Variants in PI4KA observed in about 807,000 individuals in gnomAD.
The protein encoded by PI4KA is PI4-kinase alpha.
In PI4KA, 122 loss-of-function variants were observed where a neutral mutation model predicts 271.4. That is an observed-to-expected ratio of 0.45 (90% CI 0.39 to 0.52). PI4KA has a LOEUF of 0.52. Among genes scored for constraint, PI4KA ranks in the 20% least tolerant of loss-of-function variants. The pLI, the probability that PI4KA is intolerant of heterozygous loss-of-function variation, is 0.00. For missense variants in PI4KA, 1,969 were observed against 2,769.1 expected, an observed-to-expected ratio of 0.71 and a Z score of 6.48; for synonymous variants, 1,041 against 1,078.8, an observed-to-expected ratio of 0.96 and a Z score of 0.69.
intron 12 of PI4KA, among the ~76,000 whole-genome samples, chr22:20,804,079 C>G (rs1035612981): frequency 3.9e-5 from 6 of 152,254 alleles, no homozygotes; most frequent in Non-Finnish European, 7.3e-5. Flanking sequence ...CTGAAGCCAG[C>G]TGCACCCATA....
intron 36 of PI4KA, 75 bp downstream of exon 36, chr22:20,732,896 C>T: frequency 1.9e-6 from 3 of 1,580,238 alleles, no homozygotes; most frequent in Non-Finnish European, 2.6e-6. Flanking sequence ...CTACCTCTGG[C>T]ACCCTCGGGG....
intron 10 of PI4KA, 54 bp downstream of exon 10, chr22:20,807,308 G>T: frequency 1.8e-6 from 2 of 1,115,436 alleles, no homozygotes; most frequent in South Asian, 1.3e-5. Flanking sequence ...ATGCGACAGT[G>T]GCCTGGGAGC....
At chr22:20,727,902 C>T in intron 39 of PI4KA, 38 bp from the exon 40 acceptor site, 1 of 1,519,728 alleles carries the variant, frequency 6.6e-7, no homozygotes, top group Non-Finnish European at 9.1e-7. Context: ...GCTGCCTCGC[C>T]AGGGAACCTG....
intron 23 of PI4KA, among the ~76,000 whole-genome samples, chr22:20,753,585 T>C (rs981900159): frequency 6.6e-6 from 1 of 152,232 alleles, no homozygotes; most frequent in African/African-American, 2.4e-5. Context: ...AGTTATTTTG[T>C]TGAATGTCCC....
rs543981275 is a variant in PI4KA at position 20,802,047 on chromosome 22, G to A, written c.1650C>T (p.Asn550=). ...GCTGGCTCTTCTTACCCGACATGACGTTCAGGGTTGACTCGGAATGCTCAT... is the reference window on the plus strand; with the variant it reads ...GCTGGCTCTTCTTACCCGACATGACATTCAGGGTTGACTCGGAATGCTCAT... ...VTNEHSESTL[N]VMSGKKSQPS... Residue 550 remains asparagine, a synonymous_variant, in exon 14 of 55, where the codon AAC becomes AAT. Coordinates refer to ENST00000255882, the MANE Select transcript of PI4KA (RefSeq NM_058004.4). The A allele has an allele frequency of 2.0e-5, 32 of 1,613,720 alleles. No individual in the cohort carries two copies. The highest frequency in any genetic ancestry group is 1.2e-4 in the Admixed American group (7 of 60,014).
At position 20,801,859 on chromosome 22, in the gene PI4KA, C is replaced by T; in HGVS notation, c.1724+114G>A. On this transcript the variant is annotated intron_variant, in intron 14 of 54. Coordinates refer to ENST00000255882, the MANE Select transcript of PI4KA (RefSeq NM_058004.4). ...CGAGATTGTGCCACTGCATTCCAGC[C>T]TGGGCAACAGAGCGAGACTCAATCT... 5 of 1,179,506 alleles carry T rather than the reference C, an allele frequency of 4.2e-6. No homozygotes were observed. The South Asian group carries it at 7.3e-5, about 17-fold the overall frequency. The allele number at this position is 1,179,506 out of a possible 1,614,324, so 73.1% of individuals were successfully genotyped here.
intron 19 of PI4KA, among the ~76,000 whole-genome samples, chr22:20,771,258 C>A (rs975053986): frequency 1.5e-4 from 23 of 152,092 alleles, no homozygotes; most frequent in African/African-American, 5.5e-4. Context: ...CCCGTCTCTA[C>A]TAAAAATACA....
chr22:20,827,179 G>A (rs1923532603), intron 3 of PI4KA, among the ~76,000 whole-genome samples: 1 of 152,132 alleles, frequency 6.6e-6, no homozygotes, highest in South Asian at 2.1e-4. Context: ...GGTGTTTATA[G>A]TTTAAGGTTT....
intron 3 of PI4KA, among the ~76,000 whole-genome samples, chr22:20,828,975 T>C (rs1370273859): frequency 6.6e-6 from 1 of 152,238 alleles, no homozygotes; most frequent in Non-Finnish European, 1.5e-5. Flanking sequence ...ATTAATTGAT[T>C]TGCATACATT....
intron 35 of PI4KA, among the ~76,000 whole-genome samples, chr22:20,733,308 A>G (rs1280424401): frequency 6.7e-6 from 1 of 149,466 alleles, no homozygotes. Flanking sequence ...CTCACTGCCC[A>G]CAGCAGCCCC....
intron 4 of PI4KA, 86 bp downstream of exon 4, chr22:20,824,240 T>C: frequency 1.2e-6 from 1 of 853,644 alleles, no homozygotes. Flanking sequence ...TTCAATCACA[T>C]TTCACGTTTT....
chr22:20,717,597 C>T, intron 45 of PI4KA, 111 bp downstream of exon 45: 1 of 963,208 alleles, frequency 1.0e-6, no homozygotes, highest in Non-Finnish European at 1.6e-6. Flanking sequence ...TGGGGCTGGC[C>T]AAGCCACTGT....
At chr22:20,729,854 T>C in intron 37 of PI4KA, 38 bp downstream of exon 37, 1 of 1,613,208 alleles carries the variant, frequency 6.2e-7, no homozygotes, top group East Asian at 2.2e-5. Context: ...GAATGATAGC[T>C]TGCATGTGAT....
At chr22:20,800,251 G>A (rs1202503929) in intron 14 of PI4KA, among the ~76,000 whole-genome samples, 6 of 152,220 alleles carry the variant, frequency 3.9e-5, no homozygotes, top group African/African-American at 9.7e-5. Flanking sequence ...CTGGGCCAGA[G>A]TTTGGAAAAC....
chr22:20,834,690 TAATAA>T (rs770255471), intron 2 of PI4KA, 35 bp from the exon 3 acceptor site: 24 of 1,369,366 alleles, frequency 1.8e-5, no homozygotes, highest in Non-Finnish European at 2.3e-5. Context: ...AAATTAGATT[TAATAA>T]AATAAGTGAT....
intron 19 of PI4KA, chr22:20,786,962 CAA>C (rs1240814536): frequency 6.2e-7 from 1 of 1,614,180 alleles, no homozygotes. Context: ...GCTGTCCACC[CAA>C]GTCCGCTTCA....
At chr22:20,821,052 T>C (rs899742238) in intron 4 of PI4KA, among the ~76,000 whole-genome samples, 3 of 152,188 alleles carry the variant, frequency 2.0e-5, no homozygotes, top group Non-Finnish European at 2.9e-5. Flanking sequence ...GGAAGTGTAG[T>C]GCTCAGAATA....
chr22:20,749,014 TA>T (rs1204272371), intron 28 of PI4KA, among the ~76,000 whole-genome samples: 2 of 152,210 alleles, frequency 1.3e-5, no homozygotes, highest in Admixed American at 6.5e-5. Flanking sequence ...CGTGAGAAAG[TA>T]AAAAGCTCTA....
At chr22:20,823,290 T>C (rs1444438870) in intron 4 of PI4KA, among the ~76,000 whole-genome samples, 1 of 40,904 alleles carries the variant, frequency 2.4e-5, no homozygotes, top group Non-Finnish European at 4.9e-5. Context: ...ATTTTATTCA[T>C]AGAAAAAAGC....
Sources: allele counts gnomAD v4.1 joint callset (sites outside exome capture counted in the v4.1 genomes callset), GRCh38; gene constraint gnomAD v4.1.1; transcripts MANE v1.5; gene names NCBI Gene and HGNC (gene_info 2026-07-23, HGNC 2026-07-21).